The following IPO11 variants were observed in gnomAD, a reference collection of about 807,000 sequenced individuals.
IPO11 encodes importin 11.
A neutral mutation model predicts 143.2 loss-of-function variants in IPO11; 66 were observed. That is an observed-to-expected ratio of 0.46 (90% CI 0.38 to 0.57). The LOEUF (loss-of-function observed/expected upper bound fraction) is 0.57. Ranked by LOEUF, IPO11 falls within the 20% of genes least tolerant of loss-of-function variation. The pLI is 0.00. For missense variants in IPO11, 1,026 were observed against 1,141.0 expected, an observed-to-expected ratio of 0.90 and a Z score of 1.45; for synonymous variants, 385 against 377.8, an observed-to-expected ratio of 1.02 and a Z score of -0.22.
intron 26 of IPO11, 88 bp downstream of exon 26, chr5:62,551,424 G>A: frequency 1.4e-6 from 1 of 729,632 alleles, no homozygotes; most frequent in Non-Finnish European, 2.3e-6. Context: ...CTTTGTAAAA[G>A]TCGCTTTGTA....
At chr5:62,591,457 T>C in intron 27 of IPO11, 120 bp from the exon 28 acceptor site, 1 of 610,514 alleles carries the variant, frequency 1.6e-6, no homozygotes, top group Non-Finnish European at 2.8e-6. Flanking sequence ...TTTTGAAAGT[T>C]TCTTTTGTAT....
intron 27 of IPO11, 54 bp from the exon 28 acceptor site, chr5:62,591,521 CAA>C (rs1745010366): frequency 3.1e-6 from 3 of 967,828 alleles, no homozygotes; most frequent in Non-Finnish European, 4.6e-6. Flanking sequence ...AAAAAAAAAA[CAA>C]AAAGAATTAA....
Position 62,494,113 on chromosome 5 carries a change from C to T in IPO11, c.1579C>T (p.Gln527Ter). 2 of 1,610,478 alleles carry T rather than the reference C, an allele frequency of 1.2e-6. No individual in the cohort carries two copies. Among genetic ancestry groups the T allele is most frequent in the Non-Finnish European group, 8.5e-7 (1 of 1,178,560 alleles). ...YEAICNLLQD[Q>*]DLVVRIETAT... The stretch of plus-strand genomic sequence containing the variant: ...AGCAATCTGTAACTTGCTTCAAGAT[C>T]AAGATTTAGTGGTATGTTTCTTAAG... The change falls in exon 16 of 30, where the codon CAA becomes TAA. Residue 527 changes from glutamine to a stop codon, truncating the protein, a stop_gained. Coordinates refer to ENST00000325324, the MANE Select transcript of IPO11 (RefSeq NM_016338.5). LOFTEE classifies it high-confidence loss of function.
chr5:62,513,273 C>T (rs1344448346), intron 19 of IPO11, among the ~76,000 whole-genome samples: 1 of 134,980 alleles, frequency 7.4e-6, no homozygotes, highest in African/African-American at 2.7e-5. Flanking sequence ...CTGACCCCCC[C>T]ACCTCCCTCC....
rs535825161 is a variant in IPO11, at chr5:62,564,189, G to GA, written c.2582+2942dup. ...AATCTGTATCAACCTGTAACAATCT[G>GA]AAAAAAAAAACCTTTATTGCAGTAG... On this transcript the variant is annotated intron_variant, in intron 27 of 29. Coordinates refer to ENST00000325324, the MANE Select transcript of IPO11 (RefSeq NM_016338.5). Among the ~76,000 whole-genome samples the GA allele has an allele frequency of 8.4e-3, 1,234 of 146,974 alleles. 8 individuals are homozygous for GA. The highest frequency in any genetic ancestry group is 0.011 in the Non-Finnish European group (746 of 66,442).
intron 21 of IPO11, among the ~76,000 whole-genome samples, chr5:62,529,312 TA>T (rs1200437555): frequency 1.3e-5 from 2 of 152,100 alleles, no homozygotes; most frequent in African/African-American, 4.8e-5. Context: ...TATGATCATT[TA>T]AAAAAACAAA....
chr5:62,451,963 T>G lies in IPO11; in HGVS notation c.516+30T>G, dbSNP rs375048085. On this transcript the variant is annotated intron_variant, in intron 5 of 29. Transcript: ENST00000325324. ...GTGATTTCACATAGTTAAATTTGAT[T>G]ATGAAAATTGTGCGGCCGGGCGTGG... The G allele has an allele frequency of 3.8e-5, 60 of 1,582,554 alleles. No individual in the cohort carries two copies. In the African/African-American group the frequency reaches 7.3e-4, roughly 19 times the overall value.
At chr5:62,579,781 C>T (rs1744473123) in intron 27 of IPO11, 1 of 1,542,700 alleles carries the variant, frequency 6.5e-7, no homozygotes, top group Non-Finnish European at 8.8e-7. Context: ...TTTTCTATTT[C>T]TAAATAATAA....
chr5:62,590,714 C>T (rs1421534219), intron 27 of IPO11, among the ~76,000 whole-genome samples: 1 of 152,060 alleles, frequency 6.6e-6, no homozygotes, highest in Admixed American at 6.6e-5. Flanking sequence ...TTATAAAAGT[C>T]TGTAAAGTCT....
chr5:62,503,986 T>A (rs1741451515), intron 16 of IPO11, among the ~76,000 whole-genome samples: 1 of 152,230 alleles, frequency 6.6e-6, no homozygotes, highest in Non-Finnish European at 1.5e-5. Context: ...CTCATGTTAC[T>A]TTATGTGGAA....
At chr5:62,571,067 A>C (rs1744117153) in intron 27 of IPO11, among the ~76,000 whole-genome samples, 1 of 152,236 alleles carries the variant, frequency 6.6e-6, no homozygotes, top group African/African-American at 2.4e-5. Context: ...TAAAATAATG[A>C]GTCTCGTGTG....
At chr5:62,520,857 G>T (rs1742179526) in intron 20 of IPO11, among the ~76,000 whole-genome samples, 1 of 152,148 alleles carries the variant, frequency 6.6e-6, no homozygotes, top group Admixed American at 6.5e-5. Context: ...ATAATCCTTT[G>T]GGTGTATACC....
intron 1 of IPO11, among the ~76,000 whole-genome samples, chr5:62,418,314 C>T (rs1224367310): frequency 6.6e-6 from 1 of 152,072 alleles, no homozygotes; most frequent in Non-Finnish European, 1.5e-5. Context: ...TACAGACGTG[C>T]GCCACCATGC....
intron 5 of IPO11, among the ~76,000 whole-genome samples, chr5:62,464,067 A>G (rs1580208995): frequency 6.8e-6 from 1 of 147,590 alleles, no homozygotes; most frequent in African/African-American, 2.5e-5. Flanking sequence ...CAGGTGATCC[A>G]CCTGCCTCGG....
chr5:62,522,038 C>T (rs1271695593), intron 20 of IPO11, among the ~76,000 whole-genome samples: 1 of 152,022 alleles, frequency 6.6e-6, no homozygotes, highest in Non-Finnish European at 1.5e-5. Flanking sequence ...GTTTTGTTTT[C>T]TGTTTTTCAT....
chr5:62,419,571 C>T (rs889720983), intron 1 of IPO11, among the ~76,000 whole-genome samples: 1 of 152,166 alleles, frequency 6.6e-6, no homozygotes, highest in African/African-American at 2.4e-5. Context: ...GGGGCAATAA[C>T]ATTCATGGAG....
chr5:62,580,092 AGTACC>A (rs762492173), intron 27 of IPO11: 1 of 1,551,142 alleles, frequency 6.4e-7, no homozygotes, highest in Non-Finnish European at 8.7e-7. Context: ...ATTTAACAAA[AGTACC>A]ATCAAATGCC....
intron 15 of IPO11, among the ~76,000 whole-genome samples, 190 bp downstream of exon 15, chr5:62,490,410 A>C (rs1223303439): frequency 6.6e-6 from 1 of 152,234 alleles, no homozygotes; most frequent in Non-Finnish European, 1.5e-5. Flanking sequence ...AGTTTGCAGG[A>C]GAAAAGGAGG....
chr5:62,424,378 A>T (rs1474831077), intron 1 of IPO11, among the ~76,000 whole-genome samples: 1 of 151,692 alleles, frequency 6.6e-6, no homozygotes, highest in African/African-American at 2.4e-5. Context: ...TGACCTCGTG[A>T]TCCGCCCGCC....
Sources: gnomAD v4.1 joint callset for allele counts (sites outside exome capture counted in the v4.1 genomes callset) on GRCh38, gnomAD v4.1.1 for gene constraint, MANE v1.5 for transcripts, NCBI Gene and HGNC (gene_info 2026-07-23, HGNC 2026-07-21) for gene names.